The following HS6ST3 variants were observed in gnomAD, a reference collection of about 807,000 sequenced individuals.
HS6ST3 encodes heparan sulfate 6-O-sulfotransferase 3.
HS6ST3 carries 12 observed loss-of-function variants against 36.7 expected under a neutral mutation model. That is an observed-to-expected ratio of 0.33 (90% CI 0.21 to 0.53). The LOEUF (loss-of-function observed/expected upper bound fraction) is 0.53, where lower values mean the gene tolerates loss of function less well. HS6ST3 is among the 20% of genes least tolerant of loss of function. HS6ST3 has a pLI of 0.95. For missense variants in HS6ST3, 584 were observed against 640.9 expected, an observed-to-expected ratio of 0.91 and a Z score of 0.96; for synonymous variants, 240 against 257.5, an observed-to-expected ratio of 0.93 and a Z score of 0.65.
At chr13:96,621,836 G>T (rs566196797) in intron 1 of HS6ST3, among the ~76,000 whole-genome samples, 1 of 152,290 alleles carries the variant, frequency 6.6e-6, no homozygotes, top group East Asian at 1.9e-4. Context: ...CAGGTTTATT[G>T]CACCATTGCA....
chr13:96,377,133 G>A lies in HS6ST3; in HGVS notation c.707+285564G>A, dbSNP rs555518941. Among the ~76,000 whole-genome samples the A allele has an allele frequency of 4.7e-5, 7 of 149,960 alleles. No homozygotes were observed. In the South Asian group the frequency reaches 1.5e-3, roughly 32 times the overall value. On this transcript the variant is annotated intron_variant, in intron 1 of 1. Coordinates refer to ENST00000376705, the MANE Select transcript of HS6ST3 (RefSeq NM_153456.4). ...TAATCTGAGCACTTTGGGAGGCTGA[G>A]GTGGGAGGATTACTTGAGCCCAGGA... is the stretch of plus-strand genomic sequence containing the variant.
At chr13:96,325,690 C>T (rs949488454) in intron 1 of HS6ST3, among the ~76,000 whole-genome samples, 1 of 152,076 alleles carries the variant, frequency 6.6e-6, no homozygotes, top group Non-Finnish European at 1.5e-5. Context: ...TGAAGGACAA[C>T]TGTAATCTTA....
intron 1 of HS6ST3, among the ~76,000 whole-genome samples, chr13:96,108,826 C>T (rs2053854570): frequency 6.6e-6 from 1 of 152,188 alleles, no homozygotes; most frequent in Admixed American, 6.5e-5. Flanking sequence ...AACCTGAATC[C>T]TGCTCTGTAG....
intron 1 of HS6ST3, among the ~76,000 whole-genome samples, chr13:96,454,065 C>A (rs543471142): frequency 6.6e-6 from 1 of 152,134 alleles, no homozygotes; most frequent in Non-Finnish European, 1.5e-5. Flanking sequence ...ACCACTCCCC[C>A]ACCCCTAGCT....
intron 1 of HS6ST3, among the ~76,000 whole-genome samples, chr13:96,634,122 G>C (rs541304011): frequency 6.6e-6 from 1 of 152,300 alleles, no homozygotes; most frequent in African/African-American, 2.4e-5. Flanking sequence ...CTGGCTCCCT[G>C]AGCTGGGACT....
At chr13:96,544,786 T>A (rs2056191100) in intron 1 of HS6ST3, among the ~76,000 whole-genome samples, 1 of 152,110 alleles carries the variant, frequency 6.6e-6, no homozygotes, top group Non-Finnish European at 1.5e-5. Context: ...TGGAGCATGG[T>A]GAGTGGTAAA....
At chr13:96,293,836 A>G (rs2054841733) in intron 1 of HS6ST3, among the ~76,000 whole-genome samples, 1 of 152,114 alleles carries the variant, frequency 6.6e-6, no homozygotes, top group Non-Finnish European at 1.5e-5. Context: ...GTGCAAACTG[A>G]TAAGCCACAT....
intron 1 of HS6ST3, among the ~76,000 whole-genome samples, chr13:96,681,470 A>G (rs1324439419): frequency 6.6e-6 from 1 of 152,172 alleles, no homozygotes; most frequent in Non-Finnish European, 1.5e-5. Context: ...CCAAAAAGCA[A>G]ACTGATCCTA....
intron 1 of HS6ST3, among the ~76,000 whole-genome samples, chr13:96,514,592 G>C (rs529794065): frequency 6.6e-6 from 1 of 152,168 alleles, no homozygotes; most frequent in Admixed American, 6.5e-5. Context: ...AGCACACAGC[G>C]AGAAGGCGGC....
intron 1 of HS6ST3, among the ~76,000 whole-genome samples, chr13:96,310,175 C>T (rs1248133843): frequency 7.2e-5 from 11 of 151,988 alleles, no homozygotes; most frequent in East Asian, 1.9e-4. Flanking sequence ...GCATTTTTGT[C>T]ATGCTGATTA....
At chr13:96,188,695 G>A (rs988048511) in intron 1 of HS6ST3, among the ~76,000 whole-genome samples, 1 of 152,134 alleles carries the variant, frequency 6.6e-6, no homozygotes, top group Non-Finnish European at 1.5e-5. Flanking sequence ...TCATTGCAGA[G>A]TAATTTTTAA....
intron 1 of HS6ST3, among the ~76,000 whole-genome samples, chr13:96,620,786 G>T (rs1412505380): frequency 6.7e-6 from 1 of 150,304 alleles, no homozygotes; most frequent in Non-Finnish European, 1.5e-5. Flanking sequence ...TCTTTAACCT[G>T]CTGGAAATAT....
intron 1 of HS6ST3, among the ~76,000 whole-genome samples, chr13:96,297,429 G>A (rs1037253238): frequency 6.6e-6 from 1 of 152,048 alleles, no homozygotes; most frequent in Non-Finnish European, 1.5e-5. Flanking sequence ...AAACCAAAGC[G>A]GAACTCTTAA....
At chr13:96,289,739 A>G (rs543124460) in intron 1 of HS6ST3, among the ~76,000 whole-genome samples, 2 of 152,186 alleles carry the variant, frequency 1.3e-5, no homozygotes, top group Non-Finnish European at 2.9e-5. Context: ...AGTATGGCAG[A>G]TGCTACAAAG....
intron 1 of HS6ST3, among the ~76,000 whole-genome samples, chr13:96,651,505 A>G (rs150805830): frequency 6.6e-6 from 1 of 152,030 alleles, no homozygotes; most frequent in East Asian, 1.9e-4. Flanking sequence ...AGGTGTATGA[A>G]TCAAGCGGCC....
chr13:96,594,525 G>T (rs1353689583), intron 1 of HS6ST3, among the ~76,000 whole-genome samples: 2 of 151,928 alleles, frequency 1.3e-5, no homozygotes, highest in African/African-American at 4.8e-5. Context: ...AATATATCTT[G>T]TAGCTATAAA....
At chr13:96,323,792 CTA>C (rs1437852447) in intron 1 of HS6ST3, among the ~76,000 whole-genome samples, 3 of 152,170 alleles carry the variant, frequency 2.0e-5, no homozygotes, top group African/African-American at 7.2e-5. Context: ...ATCTTACATG[CTA>C]TATATTTTAC....
chr13:96,282,080 T>C (rs1389818653), intron 1 of HS6ST3, among the ~76,000 whole-genome samples: 1 of 152,218 alleles, frequency 6.6e-6, no homozygotes, highest in Non-Finnish European at 1.5e-5. Context: ...TCAGTAACTA[T>C]TCTAAACTTT....
At chr13:96,760,284 T>C (rs907404734) in intron 1 of HS6ST3, among the ~76,000 whole-genome samples, 4 of 152,052 alleles carry the variant, frequency 2.6e-5, no homozygotes, top group Non-Finnish European at 4.4e-5. Flanking sequence ...AATTTTTATC[T>C]TCTTTTGATT....
Sources: allele counts gnomAD v4.1 joint callset (sites outside exome capture counted in the v4.1 genomes callset), GRCh38; gene constraint gnomAD v4.1.1; transcripts MANE v1.5; gene names NCBI Gene and HGNC (gene_info 2026-07-23, HGNC 2026-07-21).